WHRN: variants seen among roughly 807,000 people sequenced by gnomAD.
WHRN encodes CASK-interacting protein CIP98.
Under a neutral mutation model 68.3 loss-of-function variants are expected in WHRN, and 41 were observed. The ratio of observed to expected loss-of-function variants is 0.60; its 90% confidence interval spans 0.47 to 0.78. WHRN has a LOEUF of 0.78. WHRN is among the 30% of genes least tolerant of loss of function. WHRN has a pLI of 0.00. For synonymous variants in WHRN, 560 were observed against 561.3 expected (o/e 1.00, Z 0.03); for missense variants, 1,243 against 1,244.7 (o/e 1.00, Z 0.02).
At chr9:114,468,748 A>T (rs1317114018) in intron 2 of WHRN, among the ~76,000 whole-genome samples, 4 of 152,016 alleles carry the variant, frequency 2.6e-5, no homozygotes, top group Non-Finnish European at 4.4e-5. Flanking sequence ...CACTGGTTAG[A>T]CAGATGTTCT....
chr9:114,441,459 A>C (rs1299475677), intron 3 of WHRN, among the ~76,000 whole-genome samples: 1 of 152,234 alleles, frequency 6.6e-6, no homozygotes, highest in African/African-American at 2.4e-5. Flanking sequence ...CTTGATATCT[A>C]AATGCCATTC....
intron 3 of WHRN, among the ~76,000 whole-genome samples, chr9:114,438,364 G>A (rs982909125): frequency 6.6e-5 from 10 of 151,938 alleles, no homozygotes; most frequent in Admixed American, 2.0e-4. Flanking sequence ...TACAGTGACC[G>A]TCAGCTATGG....
At chr9:114,482,600 T>C (rs547790803) in intron 1 of WHRN, among the ~76,000 whole-genome samples, 117 of 151,330 alleles carry the variant, frequency 7.7e-4, no homozygotes, top group Admixed American at 1.3e-3. Flanking sequence ...GCTCAGCAAA[T>C]GGCAGAGCCC....
chr9:114,434,617 C>T (rs1406999981), intron 3 of WHRN, among the ~76,000 whole-genome samples: 1 of 152,168 alleles, frequency 6.6e-6, no homozygotes, highest in East Asian at 1.9e-4. Flanking sequence ...AAGCCCAATG[C>T]ATTTTACTTT....
chr9:114,480,052 G>A lies in WHRN; in HGVS notation c.619-1281C>T, dbSNP rs182842413. 8.5e-5 allele frequency among the ~76,000 whole-genome samples: 13 copies of A among 152,136 alleles called. No homozygotes were observed. In the East Asian group the frequency reaches 2.3e-3, roughly 27 times the overall value. On this transcript the variant is annotated intron_variant, in intron 1 of 11. Coordinates refer to ENST00000362057, the MANE Select transcript of WHRN (RefSeq NM_015404.4). ...CACTCCAGCCTGGGCAACAGAATGA[G>A]ACTCCTTCTCAAAAAAATAGTAATA...
At chr9:114,471,709 A>G (rs1261809691) in intron 2 of WHRN, among the ~76,000 whole-genome samples, 14 of 152,236 alleles carry the variant, frequency 9.2e-5, no homozygotes, top group Admixed American at 9.2e-4. Flanking sequence ...AGCCTAGGTT[A>G]TCCATTCCCT....
chr9:114,462,767 C>T (rs1014927560), intron 3 of WHRN, among the ~76,000 whole-genome samples: 10 of 152,152 alleles, frequency 6.6e-5, no homozygotes, highest in Admixed American at 4.6e-4. Context: ...CTAAATCTAT[C>T]GTCTATAAAT....
At chr9:114,502,775 T>C (rs1844038954) in intron 1 of WHRN, among the ~76,000 whole-genome samples, 1 of 152,186 alleles carries the variant, frequency 6.6e-6, no homozygotes, top group Non-Finnish European at 1.5e-5. Context: ...AAATGATCAT[T>C]TGCCTCAAGT....
intron 1 of WHRN, among the ~76,000 whole-genome samples, chr9:114,484,353 C>T (rs955817245): frequency 4.6e-5 from 7 of 152,228 alleles, no homozygotes; most frequent in African/African-American, 1.7e-4. Context: ...ACAGGATCCA[C>T]CAGTCTTCCT....
Position 114,466,405 on chromosome 9 carries a change from G to C in WHRN, c.838-13C>G. 1.9e-6 allele frequency: 3 copies of C among 1,613,878 alleles called. No homozygotes were observed. Among genetic ancestry groups the C allele is most frequent in the South Asian group, 1.1e-5 (1 of 91,090 alleles). Reference sequence around the variant, plus strand: ...GCACCAGGTTCACCTGTCAGAGGGAGAGGATAACATTAGAGGGACTGGAGG... The same window carrying C: ...GCACCAGGTTCACCTGTCAGAGGGACAGGATAACATTAGAGGGACTGGAGG... On this transcript the variant is annotated splice_polypyrimidine_tract_variant and intron_variant, in intron 2 of 11. Transcript: ENST00000362057.
chr9:114,469,064 C>T (rs764858529), intron 2 of WHRN, among the ~76,000 whole-genome samples: 1 of 152,220 alleles, frequency 6.6e-6, no homozygotes, highest in Non-Finnish European at 1.5e-5. Flanking sequence ...CAGTCACGCT[C>T]ACTTCCTTGG....
At chr9:114,480,321 A>G (rs1244322713) in intron 1 of WHRN, among the ~76,000 whole-genome samples, 1 of 152,184 alleles carries the variant, frequency 6.6e-6, no homozygotes, top group Admixed American at 6.5e-5. Context: ...CAATAAACAT[A>G]GCCTGTGTTA....
intron 1 of WHRN, among the ~76,000 whole-genome samples, chr9:114,484,376 T>C (rs1343741339): frequency 6.6e-6 from 1 of 152,228 alleles, no homozygotes; most frequent in Non-Finnish European, 1.5e-5. Context: ...ATCAATGGCA[T>C]ATTAGCTGTG....
chr9:114,487,907 C>T (rs1002639191), intron 1 of WHRN, among the ~76,000 whole-genome samples: 4 of 152,224 alleles, frequency 2.6e-5, no homozygotes, highest in African/African-American at 9.6e-5. Flanking sequence ...CACACTCCTT[C>T]GTGCTTTCTT....
chr9:114,405,885 G>A (rs1034494536), intron 9 of WHRN, among the ~76,000 whole-genome samples: 23 of 152,350 alleles, frequency 1.5e-4, no homozygotes, highest in African/African-American at 4.6e-4. Flanking sequence ...GGGGCACAGC[G>A]TCAGCTGGCC....
chr9:114,414,837 C>T lies in WHRN; in HGVS notation c.1627-6819G>A, dbSNP rs138354540. On this transcript the variant is annotated intron_variant, in intron 7 of 11. Transcript: ENST00000362057. ...CTGGGATGGAGTGGGCTCTTCTACT[C>T]AAGGAGAAGACACCTATCATCCTCG... Among the ~76,000 whole-genome samples, 28 of 152,306 alleles carry T rather than the reference C, an allele frequency of 1.8e-4. No individual in the cohort carries two copies. The East Asian group carries it at 4.8e-3, about 26-fold the overall frequency.
intron 8 of WHRN, 45 bp downstream of exon 8, chr9:114,407,902 A>G (rs1172361368): frequency 1.3e-6 from 2 of 1,524,436 alleles, no homozygotes; most frequent in Non-Finnish European, 1.8e-6. Context: ...CCAGGACCTG[A>G]GCACACCAGG....
chr9:114,478,915 CCCT>C, intron 1 of WHRN, 144 bp from the exon 2 acceptor site: 1 of 785,474 alleles, frequency 1.3e-6, no homozygotes, highest in Non-Finnish European at 2.1e-6. Flanking sequence ...CCTTCTCTAG[CCCT>C]CGATTTTGTC....
At chr9:114,490,426 A>C (rs1372062637) in intron 1 of WHRN, among the ~76,000 whole-genome samples, 1 of 152,196 alleles carries the variant, frequency 6.6e-6, no homozygotes, top group African/African-American at 2.4e-5. Flanking sequence ...TGCTATTTAG[A>C]TATGCCTTTA....
Sources: gnomAD v4.1 joint callset for allele counts (sites outside exome capture counted in the v4.1 genomes callset) on GRCh38, gnomAD v4.1.1 for gene constraint, MANE v1.5 for transcripts, NCBI Gene and HGNC (gene_info 2026-07-23, HGNC 2026-07-21) for gene names.